PCLO: variants seen among roughly 807,000 people sequenced by gnomAD.
PCLO encodes the protein piccolo presynaptic cytomatrix protein.
Under a neutral mutation model 427.5 loss-of-function variants are expected in PCLO, and 82 were observed. The ratio of observed to expected loss-of-function variants is 0.19; its 90% CI spans 0.16 to 0.23. The LOEUF is 0.23. Ranked by LOEUF, PCLO falls within the 10% of genes least tolerant of loss-of-function variation. The pLI is 1.00. For missense variants in PCLO, 6,239 were observed against 6,115.9 expected (o/e 1.02, Z -0.67); for synonymous variants, 2,357 against 2,155.4 (o/e 1.09, Z -2.59).
intron 6 of PCLO, among the ~76,000 whole-genome samples, chr7:82,943,778 A>G (rs1283163162): frequency 2.6e-5 from 4 of 152,050 alleles, no homozygotes; most frequent in Non-Finnish European, 5.9e-5. Flanking sequence ...TAGATACACA[A>G]AAATACTAGA....
intron 3 of PCLO, among the ~76,000 whole-genome samples, chr7:83,053,755 T>C (rs1789310439): frequency 6.6e-6 from 1 of 151,862 alleles, no homozygotes; most frequent in African/African-American, 2.4e-5. Flanking sequence ...ATCTAGATAA[T>C]TACTTCCTAG....
intron 12 of PCLO, among the ~76,000 whole-genome samples, 157 bp from the exon 13 acceptor site, chr7:82,845,642 A>G (rs1356119448): frequency 6.6e-6 from 1 of 152,176 alleles, no homozygotes; most frequent in Non-Finnish European, 1.5e-5. Context: ...TTATGTATCA[A>G]TTTCTAAGGA....
rs765156022 is a variant in PCLO at position 82,949,899 on chromosome 7, G to A, written c.10689C>T (p.Gly3563=). The A allele has an allele frequency of 4.3e-6, 7 of 1,613,620 alleles. No homozygotes were observed. The highest frequency in any genetic ancestry group is 3.4e-6 in the Non-Finnish European group (4 of 1,179,816). ...CTGCTTCTGTTTGACATCCTAAACT[G>A]CCCCCTTTGTAAGTCTTTTCAGGTG... is the stretch of plus-strand genomic sequence containing the variant. ...ISAPEKTYKG[G]SLGCQTEADS... Residue 3563 remains glycine (G), a synonymous_variant, in exon 6 of 25, where the codon GGC becomes GGT. Coordinates refer to ENST00000333891, the MANE Select transcript of PCLO (RefSeq NM_033026.6).
At chr7:82,889,109 C>A in intron 9 of PCLO, among the ~76,000 whole-genome samples, 1 of 152,156 alleles carries the variant, frequency 6.6e-6, no homozygotes, top group Non-Finnish European at 1.5e-5. Flanking sequence ...GGCGCTCCAA[C>A]CTTTTGATAC....
intron 22 of PCLO, among the ~76,000 whole-genome samples, chr7:82,767,631 A>G (rs1262118538): frequency 6.6e-6 from 1 of 152,092 alleles, no homozygotes; most frequent in Non-Finnish European, 1.5e-5. Flanking sequence ...AGAGAAGAAA[A>G]CTATGATACA....
intron 3 of PCLO, among the ~76,000 whole-genome samples, chr7:82,998,898 T>A (rs999960529): frequency 6.6e-6 from 1 of 151,774 alleles, no homozygotes; most frequent in South Asian, 2.1e-4. Flanking sequence ...TTAAAACAAG[T>A]ATAATTAATA....
At chr7:82,985,335 C>T (rs945139161) in intron 3 of PCLO, among the ~76,000 whole-genome samples, 1 of 151,956 alleles carries the variant, frequency 6.6e-6, no homozygotes, top group Non-Finnish European at 1.5e-5. Context: ...AGCAAACTGC[C>T]ATGGTATTTA....
At chr7:82,960,587 A>G (rs1236266899) in intron 4 of PCLO, among the ~76,000 whole-genome samples, 2 of 152,204 alleles carry the variant, frequency 1.3e-5, no homozygotes, top group East Asian at 3.8e-4. Flanking sequence ...ATAAAATTCT[A>G]TAGCAATATG....
intron 12 of PCLO, 90 bp downstream of exon 12, chr7:82,846,477 T>G: frequency 1.3e-6 from 1 of 781,214 alleles, no homozygotes; most frequent in South Asian, 1.6e-5. Flanking sequence ...TGTTTATGTC[T>G]ACATCTTCAT....
intron 3 of PCLO, among the ~76,000 whole-genome samples, chr7:83,085,103 C>A (rs1344196853): frequency 5.9e-5 from 9 of 152,118 alleles, no homozygotes; most frequent in Admixed American, 5.9e-4. Context: ...AAAACATACA[C>A]TACCAATGAT....
chr7:83,007,772 A>G (rs1787984644), intron 3 of PCLO, among the ~76,000 whole-genome samples: 1 of 151,380 alleles, frequency 6.6e-6, no homozygotes, highest in South Asian at 2.1e-4. Context: ...ACTGAGTAGA[A>G]CCTCTCTAAA....
intron 3 of PCLO, among the ~76,000 whole-genome samples, chr7:82,973,308 ATT>A (rs1795946587): frequency 6.6e-6 from 1 of 152,094 alleles, no homozygotes; most frequent in Non-Finnish European, 1.5e-5. Context: ...CTTCATTCAT[ATT>A]TTGTTTCTTT....
intron 22 of PCLO, among the ~76,000 whole-genome samples, chr7:82,776,362 G>A (rs1790749335): frequency 6.6e-6 from 1 of 152,124 alleles, no homozygotes; most frequent in Non-Finnish European, 1.5e-5. Context: ...GGAGGCCAAC[G>A]CCAGCAGATC....
chr7:82,927,658 T>C (rs576603466), intron 6 of PCLO, among the ~76,000 whole-genome samples: 316 of 152,328 alleles, frequency 2.1e-3, no homozygotes, highest in African/African-American at 6.4e-3. Context: ...CTTCTCATCA[T>C]GGTCTTTTAA....
chr7:82,876,485 C>CACACACACAT (rs1554345391), intron 10 of PCLO, among the ~76,000 whole-genome samples: 1 of 132,948 alleles, frequency 7.5e-6, no homozygotes, highest in African/African-American at 2.5e-5. Context: ...CACACACACA[C>CACACACACAT]ACATACACCA....
At chr7:83,129,170 CT>C (rs1453778281) in intron 3 of PCLO, among the ~76,000 whole-genome samples, 6 of 152,122 alleles carry the variant, frequency 3.9e-5, no homozygotes, top group Admixed American at 1.3e-4. Flanking sequence ...CTCTCAGATA[CT>C]CATTCTCCTA....
At chr7:83,118,166 A>G (rs1791180667) in intron 3 of PCLO, among the ~76,000 whole-genome samples, 1 of 152,228 alleles carries the variant, frequency 6.6e-6, no homozygotes, top group African/African-American at 2.4e-5. Flanking sequence ...AAAGATTTAT[A>G]GAGTTTTAAT....
chr7:83,023,465 A>G (rs1318295648), intron 3 of PCLO, among the ~76,000 whole-genome samples: 1 of 152,228 alleles, frequency 6.6e-6, no homozygotes, highest in Non-Finnish European at 1.5e-5. Context: ...AATCTGATGT[A>G]CATTGCCAAG....
chr7:82,833,369 A>G (rs1203607517), intron 16 of PCLO, among the ~76,000 whole-genome samples: 1 of 152,174 alleles, frequency 6.6e-6, no homozygotes, highest in Admixed American at 6.6e-5. Context: ...CCCTTCATAT[A>G]TGCTCATTTC....
Sources: allele counts gnomAD v4.1 joint callset (sites outside exome capture counted in the v4.1 genomes callset), GRCh38; gene constraint gnomAD v4.1.1; transcripts MANE v1.5; gene names NCBI Gene and HGNC (gene_info 2026-07-23, HGNC 2026-07-21).